Variants in NOTCH2 observed in about 807,000 individuals in gnomAD.
NOTCH2 encodes notch receptor 2.
In NOTCH2, 29 loss-of-function variants were observed where a neutral mutation model predicts 235.8. That is an observed-to-expected ratio of 0.12 (90% confidence interval 0.09 to 0.17). The LOEUF (loss-of-function observed/expected upper bound fraction) is 0.17, where lower values mean the gene tolerates loss of function less well. NOTCH2 is among the 10% of genes least tolerant of loss of function. NOTCH2 has a pLI of 1.00. For synonymous variants in NOTCH2, 1,086 were observed against 1,141.5 expected, an observed-to-expected ratio of 0.95 and a Z score of 0.98; for missense variants, 2,285 against 3,150.2, an observed-to-expected ratio of 0.73 and a Z score of 6.57.
At chr1:119,959,338 T>C (rs1426331420) in intron 12 of NOTCH2, 54 bp downstream of exon 12, 10 of 950,906 alleles carry the variant, frequency 1.1e-5, no homozygotes, top group Non-Finnish European at 1.7e-5. Context: ...TTGGATGCTA[T>C]ATTCCCAAAG....
At chr1:119,974,552 C>T (rs1482401136) in intron 5 of NOTCH2, among the ~76,000 whole-genome samples, 1 of 151,272 alleles carries the variant, frequency 6.6e-6, no homozygotes, top group Non-Finnish European at 1.5e-5. Flanking sequence ...TGGTTGATCA[C>T]TTTTGCCTCG....
Position 119,997,044 on chromosome 1 carries a change from G to T in NOTCH2, c.704C>A (p.Thr235Asn), listed in dbSNP as rs138796691. 6.2e-7 allele frequency: 1 copy of T among 1,614,016 alleles called. No homozygotes were observed. Among genetic ancestry groups the T allele is most frequent in the Non-Finnish European group, 8.5e-7 (1 of 1,179,868 alleles). ...CAPSPCVNGGTCRQTGDFTFE... is the reference protein window; with the variant it reads ...CAPSPCVNGGNCRQTGDFTFE... ...AGTGAAGTCACCAGTCTGCCGACAG[G>T]TGCCTCCATTGACACAAGGTGAGGG... is the stretch of plus-strand genomic sequence containing the variant. Residue 235 changes from threonine (T) to asparagine (N), a missense_variant, in exon 4 of 34, where the codon ACC becomes AAC. This residue lies in a region of NOTCH2 where 431 missense variants were observed against 757.8 expected (regional missense o/e 0.57). Transcript: ENST00000256646.
At chr1:119,989,644 C>A in intron 4 of NOTCH2, among the ~76,000 whole-genome samples, 3 of 145,592 alleles carry the variant, frequency 2.1e-5, no homozygotes, top group Non-Finnish European at 3.0e-5. Context: ...AAAGATAAAC[C>A]AATTATAAAG....
In NOTCH2 at chr1:119,916,237, G is replaced by A. The variant is rs745537818; in HGVS notation, c.6485C>T (p.Ser2162Phe). ...DSLESPHTYV[S>F]DTTSSPMITS... is the part of the protein sequence containing the mutation. ...AATCATTGGAGAGGATGTGGTGTCG[G>A]AAACATACGTGTGAGGAGATTCTAG... The change falls in exon 34 of 34, where the codon TCC (serine) becomes TTC (phenylalanine). Residue 2162 changes from serine to phenylalanine, a missense_variant. This residue lies in a region of NOTCH2 where 504 missense variants were observed against 538.0 expected (regional missense o/e 0.94). Transcript: ENST00000256646. 6.2e-6 allele frequency: 10 copies of A among 1,614,094 alleles called. No homozygotes were observed. The highest frequency in any genetic ancestry group is 8.5e-6 in the Non-Finnish European group (10 of 1,180,042).
intron 1 of NOTCH2, among the ~76,000 whole-genome samples, chr1:120,048,072 A>G (rs1654868013): frequency 6.6e-6 from 1 of 151,608 alleles, no homozygotes; most frequent in Admixed American, 6.6e-5. Flanking sequence ...CAGCTGAAAA[A>G]TTACTTACCT....
At chr1:119,942,063 T>C (rs1650083136) in intron 17 of NOTCH2, among the ~76,000 whole-genome samples, 1 of 152,218 alleles carries the variant, frequency 6.6e-6, no homozygotes. Context: ...ATACACAGAA[T>C]ATCAATCAAT....
At chr1:119,984,149 A>T (rs1329571493) in intron 5 of NOTCH2, among the ~76,000 whole-genome samples, 10 of 152,226 alleles carry the variant, frequency 6.6e-5, no homozygotes, top group African/African-American at 2.4e-4. Context: ...ACCTCAAAAT[A>T]ACCAGCTAGG....
intron 1 of NOTCH2, among the ~76,000 whole-genome samples, chr1:120,060,500 A>G (rs1655276810): frequency 6.6e-6 from 1 of 150,560 alleles, no homozygotes; most frequent in African/African-American, 2.4e-5. Flanking sequence ...TTCTAAATCT[A>G]AGGGTAAAAA....
chr1:120,029,330 C>CT (rs1452115347), intron 2 of NOTCH2, among the ~76,000 whole-genome samples: 1 of 151,718 alleles, frequency 6.6e-6, no homozygotes, highest in Non-Finnish European at 1.5e-5. Context: ...ACAAGGGAAT[C>CT]TAATATATAT....
At chr1:119,978,371 G>A (rs1404112315) in intron 5 of NOTCH2, among the ~76,000 whole-genome samples, 5 of 152,176 alleles carry the variant, frequency 3.3e-5, no homozygotes, top group Non-Finnish European at 5.9e-5. Flanking sequence ...ACCCATTGAA[G>A]TGTTTCCAGC....
chr1:119,978,240 C>T (rs1051677134), intron 5 of NOTCH2, among the ~76,000 whole-genome samples: 1 of 151,504 alleles, frequency 6.6e-6, no homozygotes, highest in African/African-American at 2.4e-5. Context: ...GGTTCATTTG[C>T]GGCAATGAAA....
intron 3 of NOTCH2, among the ~76,000 whole-genome samples, chr1:120,000,804 A>T (rs2101226173): frequency 6.6e-6 from 1 of 152,210 alleles, no homozygotes; most frequent in South Asian, 2.1e-4. Flanking sequence ...TCAGTGACTT[A>T]CATCATCAAT....
intron 16 of NOTCH2, 97 bp from the exon 17 acceptor site, chr1:119,948,663 T>A (rs1650347240): frequency 5.7e-6 from 8 of 1,399,840 alleles, no homozygotes; most frequent in Non-Finnish European, 8.1e-6. Context: ...CATGGAGCTA[T>A]TCCACAGACA....
Position 120,069,419 on chromosome 1 carries a change from C to T in NOTCH2, c.-13G>A. On this transcript the variant is annotated 5_prime_UTR_variant, in exon 1 of 34. Coordinates refer to ENST00000256646, the MANE Select transcript of NOTCH2 (RefSeq NM_024408.4). ...GCAGGGCGGGCATCTTCTCGGTCGC[C>T]TCCTCCTCCGCCGCCGCCGCCGCCG... The T allele has an allele frequency of 1.9e-6, 3 of 1,539,560 alleles. No homozygotes were observed. Among genetic ancestry groups the T allele is most frequent in the Admixed American group, 1.9e-5 (1 of 52,350 alleles).
In NOTCH2 at chr1:119,915,389, G is replaced by A; in HGVS notation, c.7333C>T (p.Pro2445Ser). 1.2e-6 allele frequency: 2 copies of A among 1,614,136 alleles called. No homozygotes were observed. The highest frequency in any genetic ancestry group is 1.7e-6 in the Non-Finnish European group (2 of 1,179,992). The change falls in exon 34 of 34, where the codon CCT (proline) becomes TCT (serine). Residue 2445 changes from proline (P) to serine (S), a missense_variant. Physicochemically the swap from Pro to Ser is moderately conservative, Grantham distance 74 (BLOSUM62 -1). This residue lies in a region of NOTCH2 where 504 missense variants were observed against 538.0 expected (regional missense o/e 0.94). Coordinates refer to ENST00000256646, the MANE Select transcript of NOTCH2 (RefSeq NM_024408.4). Reference protein sequence around the residue: ...DWSDVTTSPTPGGAGGGQRGP... With the variant: ...DWSDVTTSPTSGGAGGGQRGP... ...CGCTGACCTCCTCCAGCACCCCCAG[G>A]GGTAGGGCTGGTGGTCACATCTGAC...
intron 5 of NOTCH2, among the ~76,000 whole-genome samples, chr1:119,986,485 T>C (rs1553202239): frequency 1.3e-5 from 2 of 152,092 alleles, no homozygotes; most frequent in African/African-American, 4.8e-5. Flanking sequence ...TCATTAAGAG[T>C]ACCTGCCTAA....
At chr1:119,926,677 A>G in intron 23 of NOTCH2, 66 bp from the exon 24 acceptor site, 1 of 1,339,312 alleles carries the variant, frequency 7.5e-7, no homozygotes, top group Non-Finnish European at 1.0e-6. Flanking sequence ...TACTCAACAA[A>G]CTTTGCTGGG....
chr1:119,959,666 G>A (rs1650862482), intron 11 of NOTCH2, among the ~76,000 whole-genome samples, 164 bp from the exon 12 acceptor site: 1 of 152,178 alleles, frequency 6.6e-6, no homozygotes, highest in South Asian at 2.1e-4. Context: ...ACTCGTTCAG[G>A]AAGATACAGG....
intron 28 of NOTCH2, 67 bp downstream of exon 28, chr1:119,922,169 C>A: frequency 6.6e-7 from 1 of 1,504,266 alleles, no homozygotes; most frequent in Non-Finnish European, 9.2e-7. Flanking sequence ...CATGATTCAA[C>A]AAGATATGCT....
Sources: gnomAD v4.1 joint callset for allele counts (sites outside exome capture counted in the v4.1 genomes callset) on GRCh38, gnomAD v4.1.1 for gene constraint, gnomAD v4.1.1 regional missense constraint, MANE v1.5 for transcripts, NCBI Gene and HGNC (gene_info 2026-07-23, HGNC 2026-07-21) for gene names.